Variants in CTNNA2 observed in about 807,000 individuals in gnomAD.
CTNNA2 encodes catenin alpha 2.
A neutral mutation model predicts 101.0 loss-of-function variants in CTNNA2; 42 were observed. That is an observed-to-expected ratio of 0.42 (90% CI 0.32 to 0.54). The LOEUF (loss-of-function observed/expected upper bound fraction) is 0.54. Ranked by LOEUF, CTNNA2 falls within the 20% of genes least tolerant of loss-of-function variation. The pLI is 0.14. For missense variants in CTNNA2, 871 were observed against 1,223.1 expected (o/e 0.71, Z 4.29); for synonymous variants, 450 against 456.4 (o/e 0.99, Z 0.18).
At chr2:79,386,669 T>C (rs567553593) in intron 4 of CTNNA2, among the ~76,000 whole-genome samples, 1 of 152,202 alleles carries the variant, frequency 6.6e-6, no homozygotes, top group Non-Finnish European at 1.5e-5. Flanking sequence ...TCCTTTCATG[T>C]TGAAACTGAA....
intron 2 of CTNNA2, among the ~76,000 whole-genome samples, chr2:79,240,107 C>G (rs980277164): frequency 6.6e-6 from 1 of 151,970 alleles, no homozygotes; most frequent in South Asian, 2.1e-4. Context: ...GGGGTTTCTC[C>G]ATGTTGGTCA....
intron 9 of CTNNA2, among the ~76,000 whole-genome samples, chr2:80,478,893 A>AT: frequency 6.6e-6 from 1 of 151,768 alleles, no homozygotes; most frequent in East Asian, 1.9e-4. Flanking sequence ...TAATTTTAGG[A>AT]TTTTTGTTCT....
intron 1 of CTNNA2, among the ~76,000 whole-genome samples, chr2:79,537,502 A>G (rs1673144514): frequency 6.6e-6 from 1 of 152,024 alleles, no homozygotes; most frequent in Non-Finnish European, 1.5e-5. Context: ...GAGAGGTGTC[A>G]TGTGTATGAC....
At chr2:79,291,466 A>T (rs1242849495) in intron 2 of CTNNA2, among the ~76,000 whole-genome samples, 2 of 152,192 alleles carry the variant, frequency 1.3e-5, no homozygotes, top group South Asian at 2.1e-4. Flanking sequence ...ACAGATAATC[A>T]TTACTTATTT....
intron 3 of CTNNA2, among the ~76,000 whole-genome samples, chr2:79,320,612 G>A (rs1676598528): frequency 6.6e-6 from 1 of 152,166 alleles, no homozygotes; most frequent in Non-Finnish European, 1.5e-5. Context: ...CTCAAAGTAG[G>A]AGACAGCCTT....
intron 11 of CTNNA2, among the ~76,000 whole-genome samples, chr2:80,550,336 G>A (rs1315445643): frequency 6.6e-6 from 1 of 152,198 alleles, no homozygotes; most frequent in Non-Finnish European, 1.5e-5. Flanking sequence ...TTTCCTTGAT[G>A]TTGATCAGAG....
rs1697365548 is a variant in CTNNA2 at position 80,058,427 on chromosome 2, A to T, written c.1056+148630A>T. On this transcript the variant is annotated intron_variant, in intron 7 of 18. Transcript: ENST00000402739. ...CCTCCTTTTTGATCAAGGGCCTTTT[A>T]TAAACGTTCTGCTATATTGTTTTGA... Among the ~76,000 whole-genome samples, 3 of 152,190 alleles carry T rather than the reference A, an allele frequency of 2.0e-5. No homozygotes were observed. The South Asian group carries it at 6.2e-4, about 32-fold the overall frequency.
chr2:79,612,776 G>C (rs1558771207), intron 1 of CTNNA2, among the ~76,000 whole-genome samples: 1 of 152,044 alleles, frequency 6.6e-6, no homozygotes, highest in Non-Finnish European at 1.5e-5. Flanking sequence ...ATGAATCAAA[G>C]TTGGAAAATA....
chr2:80,073,402 C>T (rs1251769951), intron 7 of CTNNA2, among the ~76,000 whole-genome samples: 2 of 152,042 alleles, frequency 1.3e-5, no homozygotes, highest in African/African-American at 2.4e-5. Context: ...GGTGATGTCA[C>T]TGGGCAGCAC....
chr2:80,532,988 C>T (rs1379060342), intron 9 of CTNNA2, among the ~76,000 whole-genome samples: 16 of 152,072 alleles, frequency 1.1e-4, no homozygotes, highest in South Asian at 6.2e-4. Context: ...CTACTGTTTA[C>T]AAGGTCTTGA....
At chr2:79,285,431 C>T (rs1242255534) in intron 2 of CTNNA2, among the ~76,000 whole-genome samples, 3 of 148,170 alleles carry the variant, frequency 2.0e-5, no homozygotes, top group South Asian at 2.2e-4. Context: ...TTGAATGCGT[C>T]CCAGAGATTC....
intron 4 of CTNNA2, among the ~76,000 whole-genome samples, chr2:79,378,282 G>T (rs1037700981): frequency 6.6e-6 from 1 of 152,180 alleles, no homozygotes; most frequent in African/African-American, 2.4e-5. Flanking sequence ...GAATTGAGGA[G>T]AGAAAAGATC....
At chr2:79,691,403 G>T (rs1432614272) in intron 2 of CTNNA2, among the ~76,000 whole-genome samples, 3 of 151,306 alleles carry the variant, frequency 2.0e-5, no homozygotes, top group Non-Finnish European at 4.4e-5. Flanking sequence ...TTTCTGCAAA[G>T]AATGAATAGT....
chr2:79,371,495 AC>A (rs1363150364), intron 3 of CTNNA2, among the ~76,000 whole-genome samples: 1 of 152,144 alleles, frequency 6.6e-6, no homozygotes, highest in Admixed American at 6.5e-5. Flanking sequence ...CATTCTCACA[AC>A]ATGTAGAACC....
At chr2:80,482,692 G>A (rs1288278069) in intron 9 of CTNNA2, among the ~76,000 whole-genome samples, 1 of 152,146 alleles carries the variant, frequency 6.6e-6, no homozygotes, top group East Asian at 1.9e-4. Flanking sequence ...ATTCCACAGT[G>A]TCAATCTCCA....
At chr2:80,614,511 AT>A (rs1698693850) in intron 17 of CTNNA2, among the ~76,000 whole-genome samples, 1 of 151,292 alleles carries the variant, frequency 6.6e-6, no homozygotes, top group Admixed American at 6.6e-5. Flanking sequence ...CCTAGAACCA[AT>A]CCCCCATGGA....
At chr2:80,576,223 A>G (rs1414858254) in intron 13 of CTNNA2, 1 of 152,086 alleles carries the variant, frequency 6.6e-6, no homozygotes, top group African/African-American at 2.4e-5. Context: ...CAGTCAATAC[A>G]TATTTAATGG....
chr2:79,799,014 A>T (rs1299771859), intron 3 of CTNNA2, among the ~76,000 whole-genome samples: 1 of 152,130 alleles, frequency 6.6e-6, no homozygotes, highest in Non-Finnish European at 1.5e-5. Flanking sequence ...CTGCTATAGT[A>T]CATCTTACTC....
At chr2:80,496,176 A>G (rs1687450056) in intron 9 of CTNNA2, among the ~76,000 whole-genome samples, 1 of 152,052 alleles carries the variant, frequency 6.6e-6, no homozygotes. Context: ...TTCCCTCTAG[A>G]ACTGTAAGAC....
Sources: gnomAD v4.1 joint callset for allele counts (sites outside exome capture counted in the v4.1 genomes callset) on GRCh38, gnomAD v4.1.1 for gene constraint, MANE v1.5 for transcripts, NCBI Gene and HGNC (gene_info 2026-07-23, HGNC 2026-07-21) for gene names.